ELP4: variants seen among roughly 807,000 people sequenced by gnomAD.
ELP4 encodes elongator acetyltransferase complex subunit 4, also known as elongator complex protein 4.
ELP4 carries 51 observed loss-of-function variants against 48.9 expected under a neutral mutation model. The observed-to-expected ratio is 1.04, with a 90% CI of 0.83 to 1.32. The LOEUF is 1.32. Ranked by LOEUF, ELP4 falls within the 40% of genes most tolerant of loss-of-function variation. The pLI, the probability that ELP4 is intolerant of heterozygous loss-of-function variation, is 0.00. For synonymous variants in ELP4, 210 were observed against 189.2 expected (o/e 1.11, Z -0.90); for missense variants, 519 against 514.6 (o/e 1.01, Z -0.08).
At chr11:31,586,604 C>G (rs1957477651) in intron 3 of ELP4, among the ~76,000 whole-genome samples, 1 of 151,820 alleles carries the variant, frequency 6.6e-6, no homozygotes. Flanking sequence ...CAGTGTTACT[C>G]TAGTATTTTT....
chr11:31,602,986 A>G (rs1483881353), intron 4 of ELP4, among the ~76,000 whole-genome samples: 1 of 151,970 alleles, frequency 6.6e-6, no homozygotes, highest in Non-Finnish European at 1.5e-5. Flanking sequence ...ATGTAATAAT[A>G]ATGTTATGTT....
At chr11:31,709,940 A>G (rs1215252020) in intron 9 of ELP4, among the ~76,000 whole-genome samples, 1 of 152,174 alleles carries the variant, frequency 6.6e-6, no homozygotes, top group Admixed American at 6.6e-5. Flanking sequence ...TCATGCTATT[A>G]TATACAGTGT....
chr11:31,774,623 T>A (rs1012551548), intron 9 of ELP4, among the ~76,000 whole-genome samples: 3 of 152,216 alleles, frequency 2.0e-5, no homozygotes, highest in African/African-American at 7.2e-5. Flanking sequence ...ATGTTCCACA[T>A]AGAGCCTCTG....
chr11:31,707,306 C>T, intron 9 of ELP4: 1 of 288,304 alleles, frequency 3.5e-6, no homozygotes, highest in Non-Finnish European at 6.3e-6. Context: ...TGATGTTCAA[C>T]TGAAAATATA....
At chr11:31,714,799 C>T (rs1946807780) in intron 9 of ELP4, 1 of 398,344 alleles carries the variant, frequency 2.5e-6, no homozygotes, top group Non-Finnish European at 4.4e-6. Context: ...CTTATGTTAC[C>T]AACTCTCTGG....
At chr11:31,552,521 C>T (rs1274532992) in intron 3 of ELP4, among the ~76,000 whole-genome samples, 4 of 152,132 alleles carry the variant, frequency 2.6e-5, no homozygotes, top group Admixed American at 1.3e-4. Context: ...TCAGCCTTTC[C>T]CATCTCAGTT....
chr11:31,667,685 T>G (rs1945709794), intron 9 of ELP4, among the ~76,000 whole-genome samples: 1 of 152,128 alleles, frequency 6.6e-6, no homozygotes, highest in Admixed American at 6.5e-5. Context: ...ACTATAAAAC[T>G]TCTACCGGTG....
chr11:31,522,701 A>G (rs1378321723), intron 2 of ELP4, among the ~76,000 whole-genome samples: 1 of 152,180 alleles, frequency 6.6e-6, no homozygotes, highest in Non-Finnish European at 1.5e-5. Context: ...TTTTGTAGCT[A>G]TTATTAGATT....
intron 3 of ELP4, among the ~76,000 whole-genome samples, chr11:31,589,349 G>A (rs1212999630): frequency 2.6e-5 from 4 of 152,152 alleles, no homozygotes; most frequent in Non-Finnish European, 4.4e-5. Context: ...AAATGTCGAA[G>A]AATATCAAGC....
intron 9 of ELP4, among the ~76,000 whole-genome samples, chr11:31,759,472 G>A (rs1478119113): frequency 6.6e-6 from 1 of 152,090 alleles, no homozygotes; most frequent in African/African-American, 2.4e-5. Context: ...TCTTTTTAAA[G>A]GGAGATTTGT....
chr11:31,750,618 G>A (rs943939137), intron 9 of ELP4, among the ~76,000 whole-genome samples: 3 of 151,982 alleles, frequency 2.0e-5, no homozygotes, highest in South Asian at 4.2e-4. Context: ...CATAAAAAGT[G>A]TTGTGTTTTT....
At chr11:31,590,558 A>C (rs577636173) in intron 3 of ELP4, among the ~76,000 whole-genome samples, 91 of 152,284 alleles carry the variant, frequency 6.0e-4, no homozygotes, top group African/African-American at 2.0e-3. Context: ...AGAAACAGAT[A>C]AGTTGGGTGT....
intron 5 of ELP4, among the ~76,000 whole-genome samples, chr11:31,606,598 G>A (rs905053780): frequency 1.3e-5 from 2 of 152,120 alleles, no homozygotes; most frequent in African/African-American, 2.4e-5. Context: ...TAAAGCCAGA[G>A]TATAAAGATC....
At chr11:31,643,829 G>GT (rs202165454) in intron 7 of ELP4, among the ~76,000 whole-genome samples, 210 of 150,784 alleles carry the variant, frequency 1.4e-3, no homozygotes, top group South Asian at 2.3e-3. Flanking sequence ...TACTCTGAAG[G>GT]TTTTTTTTTG....
At chr11:31,759,187 G>A (rs971927729) in intron 9 of ELP4, among the ~76,000 whole-genome samples, 22 of 152,240 alleles carry the variant, frequency 1.4e-4, no homozygotes, top group South Asian at 6.2e-4. Context: ...CACATAATGC[G>A]TTAATCATCC....
chr11:31,550,824 T>C (rs1475388467), intron 3 of ELP4, among the ~76,000 whole-genome samples: 1 of 152,182 alleles, frequency 6.6e-6, no homozygotes, highest in Non-Finnish European at 1.5e-5. Flanking sequence ...GATGTTGTTC[T>C]TTGGCCCTCC....
At chr11:31,747,269 G>A (rs1245587352) in intron 9 of ELP4, among the ~76,000 whole-genome samples, 2 of 152,176 alleles carry the variant, frequency 1.3e-5, no homozygotes, top group Non-Finnish European at 2.9e-5. Context: ...ACATTAGAGA[G>A]TATGAGATCT....
At chr11:31,511,078 C>T (rs1357532574) in intron 1 of ELP4, 1 of 152,176 alleles carries the variant, frequency 6.6e-6, no homozygotes, top group East Asian at 1.9e-4. Context: ...GACCAGCAAC[C>T]TATGAGAAAG....
chr11:31,563,502 A>G (rs967735591), intron 3 of ELP4, among the ~76,000 whole-genome samples: 2 of 152,202 alleles, frequency 1.3e-5, no homozygotes, highest in African/African-American at 4.8e-5. Context: ...CTTATGGATA[A>G]GGTAAATGTT....
Sources: allele counts gnomAD v4.1 joint callset (sites outside exome capture counted in the v4.1 genomes callset), GRCh38; gene constraint gnomAD v4.1.1; transcripts MANE v1.5; gene names NCBI Gene and HGNC (gene_info 2026-07-23, HGNC 2026-07-21).